The following CEP128 variants were observed in gnomAD, a reference collection of about 807,000 sequenced individuals.
CEP128 encodes centrosomal protein 128kDa.
Under a neutral mutation model 156.7 loss-of-function variants are expected in CEP128, and 132 were observed. The ratio of observed to expected loss-of-function variants is 0.84; its 90% CI spans 0.73 to 0.97. The LOEUF (loss-of-function observed/expected upper bound fraction) is 0.97. Among genes scored for constraint, CEP128 ranks in the 50% least tolerant of loss-of-function variants. The pLI is 0.00. For synonymous variants in CEP128, 469 were observed against 448.9 expected, an observed-to-expected ratio of 1.04 and a Z score of -0.57; for missense variants, 1,252 against 1,281.9, an observed-to-expected ratio of 0.98 and a Z score of 0.36.
intron 8 of CEP128, among the ~76,000 whole-genome samples, chr14:80,881,512 C>CT (rs1888551991): frequency 7.6e-6 from 1 of 131,038 alleles, no homozygotes; most frequent in Non-Finnish European, 1.7e-5. Flanking sequence ...TAATACTTAC[C>CT]CTATTCAACC....
intron 14 of CEP128, among the ~76,000 whole-genome samples, chr14:80,788,038 G>A (rs1901503921): frequency 6.6e-6 from 1 of 152,096 alleles, no homozygotes; most frequent in East Asian, 1.9e-4. Flanking sequence ...CAGACCATGT[G>A]AGTCAAGTTT....
intron 13 of CEP128, among the ~76,000 whole-genome samples, chr14:80,800,235 C>G (rs1371690905): frequency 1.3e-5 from 2 of 152,120 alleles, no homozygotes; most frequent in African/African-American, 4.8e-5. Context: ...GGGACAGGTT[C>G]CCCCGATACA....
At chr14:80,624,001 A>G (rs535456388) in intron 19 of CEP128, among the ~76,000 whole-genome samples, 39 of 152,286 alleles carry the variant, frequency 2.6e-4, no homozygotes, top group African/African-American at 9.1e-4. Flanking sequence ...TTCACCTGAC[A>G]CTGCTACAGT....
At chr14:80,857,485 C>A (rs545055358) in intron 9 of CEP128, among the ~76,000 whole-genome samples, 7 of 152,030 alleles carry the variant, frequency 4.6e-5, no homozygotes, top group Admixed American at 3.9e-4. Flanking sequence ...GTAATCCCAG[C>A]ACTTTAGGAG....
chr14:80,509,271 A>AT (rs1237949252), intron 23 of CEP128, among the ~76,000 whole-genome samples: 1 of 152,192 alleles, frequency 6.6e-6, no homozygotes, highest in African/African-American at 2.4e-5. Context: ...CCAACAGTGT[A>AT]TGGGGGTTCC....
intron 19 of CEP128, among the ~76,000 whole-genome samples, chr14:80,673,338 G>C (rs1331247218): frequency 2.0e-5 from 3 of 152,102 alleles, no homozygotes; most frequent in African/African-American, 7.2e-5. Context: ...GAGTTGATGA[G>C]CATTTTTAAA....
chr14:80,526,497 C>T (rs540741653), intron 23 of CEP128, among the ~76,000 whole-genome samples: 1 of 152,172 alleles, frequency 6.6e-6, no homozygotes, highest in South Asian at 2.1e-4. Context: ...TATTATCTGA[C>T]CTACTGCAGA....
At chr14:80,853,739 C>T (rs1887011557) in intron 9 of CEP128, among the ~76,000 whole-genome samples, 1 of 151,564 alleles carries the variant, frequency 6.6e-6, no homozygotes, top group South Asian at 2.1e-4. Flanking sequence ...TTATCATTTA[C>T]CAAAAGATAA....
chr14:80,600,994 T>C (rs925650345), intron 19 of CEP128, among the ~76,000 whole-genome samples: 2 of 151,888 alleles, frequency 1.3e-5, no homozygotes, highest in Non-Finnish European at 2.9e-5. Flanking sequence ...ATGAAGATGA[T>C]ATATGAAGAA....
At chr14:80,677,508 C>CAAAAAAAAAA (rs57636757) in intron 19 of CEP128, among the ~76,000 whole-genome samples, 5 of 94,058 alleles carry the variant, frequency 5.3e-5, no homozygotes, top group African/African-American at 1.8e-4. Flanking sequence ...GACTCCGTCT[C>CAAAAAAAAAA]AAAAAAAAAA....
In CEP128 at chr14:80,560,296, G is replaced by T. The variant is rs539963675; in HGVS notation, c.2857-994C>A. On this transcript the variant is annotated intron_variant, in intron 20 of 24. Coordinates refer to ENST00000555265, the MANE Select transcript of CEP128 (RefSeq NM_152446.5). ...AAAAAGTAGCCAGGTGCGGTGCCGC[G>T]TGCCTGTAATCCCACCTACTCAGGA... Among the ~76,000 whole-genome samples the T allele has an allele frequency of 9.2e-5, 14 of 152,154 alleles. No homozygotes were observed. The East Asian group carries it at 2.1e-3, about 23-fold the overall frequency.
intron 2 of CEP128, among the ~76,000 whole-genome samples, chr14:80,956,872 A>G (rs1886721588): frequency 6.6e-6 from 1 of 152,208 alleles, no homozygotes; most frequent in South Asian, 2.1e-4. Context: ...AATTAGTTCA[A>G]TAACCTCCAA....
At chr14:80,929,134 C>A (rs890918838) in intron 2 of CEP128, among the ~76,000 whole-genome samples, 5 of 152,026 alleles carry the variant, frequency 3.3e-5, no homozygotes, top group Non-Finnish European at 5.9e-5. Context: ...ATCAACATCA[C>A]TAATCAGAGA....
intron 19 of CEP128, among the ~76,000 whole-genome samples, chr14:80,582,922 G>C (rs1891651754): frequency 6.6e-6 from 1 of 152,042 alleles, no homozygotes; most frequent in Admixed American, 6.5e-5. Context: ...ATACATAGTG[G>C]GGTTCATCAA....
At chr14:80,661,326 AT>A (rs1388128912) in intron 19 of CEP128, among the ~76,000 whole-genome samples, 3 of 152,120 alleles carry the variant, frequency 2.0e-5, no homozygotes, top group African/African-American at 7.2e-5. Context: ...TATTAATTTC[AT>A]TGCTGGATCA....
chr14:80,701,695 C>G lies in CEP128; in HGVS notation c.2806+41380G>C, dbSNP rs565499979. ...TTTTTCCTACTAATTTTCTTTCCTACTCTATCAGTCTTCCCATCTTAAACA... is the reference window on the plus strand; with the variant it reads ...TTTTTCCTACTAATTTTCTTTCCTAGTCTATCAGTCTTCCCATCTTAAACA... On this transcript the variant is annotated intron_variant, in intron 19 of 24. Coordinates refer to ENST00000555265, the MANE Select transcript of CEP128 (RefSeq NM_152446.5). Among the ~76,000 whole-genome samples, 8 of 152,300 alleles carry G rather than the reference C, an allele frequency of 5.3e-5. No homozygotes were observed. The East Asian group carries it at 1.4e-3, about 26-fold the overall frequency.
chr14:80,954,927 C>T (rs1299165763), intron 2 of CEP128: 2 of 152,886 alleles, frequency 1.3e-5, no homozygotes, highest in Non-Finnish European at 2.9e-5. Context: ...CAGATGGCCC[C>T]AAAGTTCAGT....
intron 2 of CEP128, among the ~76,000 whole-genome samples, chr14:80,922,946 C>T (rs1000624305): frequency 6.6e-6 from 1 of 152,174 alleles, no homozygotes; most frequent in Non-Finnish European, 1.5e-5. Flanking sequence ...AGCTTACTAC[C>T]ACCTGCTGGT....
At chr14:80,718,730 G>C (rs561911003) in intron 19 of CEP128, among the ~76,000 whole-genome samples, 9 of 152,170 alleles carry the variant, frequency 5.9e-5, no homozygotes, top group Non-Finnish European at 1.3e-4. Flanking sequence ...TGTGAGGAGA[G>C]ACAGCAAAGT....
Sources: allele counts gnomAD v4.1 joint callset (sites outside exome capture counted in the v4.1 genomes callset), GRCh38; gene constraint gnomAD v4.1.1; transcripts MANE v1.5; gene names NCBI Gene and HGNC (gene_info 2026-07-23, HGNC 2026-07-21).